The following C1QTNF7 variants were observed in gnomAD, a reference collection of about 807,000 sequenced individuals.
C1QTNF7 encodes C1q and TNF related 7.
In C1QTNF7, 15 loss-of-function variants were observed where a neutral mutation model predicts 19.6. That is an observed-to-expected ratio of 0.76 (90% CI 0.51 to 1.18). C1QTNF7 has a LOEUF of 1.18. C1QTNF7 is among the 50% of genes most tolerant of loss of function. The probability of loss-of-function intolerance (pLI) is 0.00; values close to 1 mark genes in which losing one functional copy is unlikely to be tolerated. For synonymous variants in C1QTNF7, 142 were observed against 137.5 expected, an observed-to-expected ratio of 1.03 and a Z score of -0.23; for missense variants, 324 against 359.7, an observed-to-expected ratio of 0.90 and a Z score of 0.80.
At chr4:15,393,458 C>T (rs1456430771) in intron 1 of C1QTNF7, among the ~76,000 whole-genome samples, 1 of 152,170 alleles carries the variant, frequency 6.6e-6, no homozygotes, top group Non-Finnish European at 1.5e-5. Flanking sequence ...ACACTAGAAG[C>T]CAAAGGTTCT....
intron 1 of C1QTNF7, among the ~76,000 whole-genome samples, chr4:15,410,098 C>T (rs1290498416): frequency 3.9e-5 from 6 of 152,130 alleles, no homozygotes; most frequent in Non-Finnish European, 7.4e-5. Context: ...GCCTTCCTGC[C>T]GTTAGCACTA....
intron 1 of C1QTNF7, among the ~76,000 whole-genome samples, chr4:15,364,622 G>T (rs1717447136): frequency 6.6e-6 from 1 of 152,122 alleles, no homozygotes; most frequent in Admixed American, 6.5e-5. Flanking sequence ...AGACAATCCT[G>T]AATTGTAATA....
chr4:15,402,984 G>GTTT (rs5856299), intron 1 of C1QTNF7, among the ~76,000 whole-genome samples: 48 of 144,570 alleles, frequency 3.3e-4, no homozygotes, highest in African/African-American at 1.2e-3. Context: ...GCTTTTTTCT[G>GTTT]TTTTTTTTTT....
At chr4:15,421,588 G>A (rs1172368215) in intron 1 of C1QTNF7, among the ~76,000 whole-genome samples, 1 of 152,176 alleles carries the variant, frequency 6.6e-6, no homozygotes, top group Non-Finnish European at 1.5e-5. Context: ...AAGGAGCCAA[G>A]TACTATCACT....
chr4:15,370,943 T>A (rs1022614839), intron 1 of C1QTNF7, among the ~76,000 whole-genome samples: 1 of 152,232 alleles, frequency 6.6e-6, no homozygotes, highest in Non-Finnish European at 1.5e-5. Context: ...AAACTAGGCT[T>A]CTTGAGGTTC....
intron 1 of C1QTNF7, among the ~76,000 whole-genome samples, chr4:15,419,290 C>T (rs989938696): frequency 6.6e-6 from 1 of 152,198 alleles, no homozygotes; most frequent in African/African-American, 2.4e-5. Flanking sequence ...ATGCACAAAA[C>T]TTTCAATGTA....
chr4:15,360,188 G>T (rs1020865346), intron 1 of C1QTNF7, among the ~76,000 whole-genome samples: 9 of 150,028 alleles, frequency 6.0e-5, no homozygotes, highest in Non-Finnish European at 1.2e-4. Context: ...TAGGTTGGGA[G>T]ACCAGGTGTT....
intron 1 of C1QTNF7, among the ~76,000 whole-genome samples, chr4:15,422,201 GTT>G (rs577106584): frequency 0.35 from 37,242 of 105,098 alleles, 5,224 homozygotes; most frequent in East Asian, 0.51. Flanking sequence ...TAATAAACCT[GTT>G]TTTTTTTAAA....
At position 15,435,802 on chromosome 4, in the gene C1QTNF7, G is replaced by T; in HGVS notation, c.59G>T (p.Gly20Val). 1 of 1,614,100 alleles carries T rather than the reference G, an allele frequency of 6.2e-7. No homozygotes were observed. The highest frequency in any genetic ancestry group is 8.5e-7 in the Non-Finnish European group (1 of 1,180,024). The change falls in exon 2 of 3, where the codon GGT becomes GTT. Residue 20 changes from glycine (G) to valine (V), a missense_variant. By Grantham distance (109) the Gly-to-Val change is moderately radical. Coordinates refer to ENST00000444304, the MANE Select transcript of C1QTNF7 (RefSeq NM_031911.5). ...ATTTGTGCCAGTGGACAACCCCGGG[G>T]TAATCAGTTGAAAGGAGAGAACTAC... ...FAICASGQPRGNQLKGENYSP... is the reference protein window; with the variant it reads ...FAICASGQPRVNQLKGENYSP...
intron 1 of C1QTNF7, among the ~76,000 whole-genome samples, chr4:15,422,190 C>G (rs1577273655): frequency 7.8e-6 from 1 of 127,990 alleles, no homozygotes; most frequent in African/African-American, 3.0e-5. Context: ...TAATTATAAT[C>G]TAATAAACCT....
intron 1 of C1QTNF7, among the ~76,000 whole-genome samples, chr4:15,352,907 A>G (rs2082102592): frequency 1.3e-5 from 2 of 152,154 alleles, no homozygotes; most frequent in Admixed American, 1.3e-4. Context: ...CTAAAAACTG[A>G]TTAGTGTCCA....
upstream of C1QTNF7, among the ~76,000 whole-genome samples, chr4:15,426,806 C>T (rs182578019): frequency 6.6e-6 from 1 of 152,244 alleles, no homozygotes; most frequent in African/African-American, 2.4e-5. Flanking sequence ...TATTAAAAGG[C>T]TGTATCACCT....
intron 1 of C1QTNF7, chr4:15,374,825 A>G (rs1474191744): frequency 2.2e-6 from 2 of 922,298 alleles, no homozygotes; most frequent in Non-Finnish European, 2.6e-6. Context: ...TTTTCCTTAG[A>G]AAGGCGTCTT....
intron 1 of C1QTNF7, among the ~76,000 whole-genome samples, chr4:15,398,051 CA>C (rs1277840933): frequency 6.6e-6 from 1 of 152,134 alleles, no homozygotes; most frequent in Non-Finnish European, 1.5e-5. Context: ...CTTCTTTTCC[CA>C]ACTTTACTAC....
Position 15,435,816 on chromosome 4 carries a change from G to T in C1QTNF7, c.73G>T (p.Gly25Ter). The T allele has an allele frequency of 2.5e-6, 4 of 1,614,132 alleles. No individual in the cohort carries two copies. In the South Asian group the frequency reaches 4.4e-5, roughly 18 times the overall value. Residue 25 changes from glycine (G) to a stop codon, truncating the protein, a stop_gained, in exon 2 of 3, where the codon GGA (glycine) becomes TGA (stop). Coordinates refer to ENST00000444304, the MANE Select transcript of C1QTNF7 (RefSeq NM_031911.5). LOFTEE classifies it high-confidence loss of function. ...SGQPRGNQLK[G>*]ENYSPRYICS... ...ACAACCCCGGGGTAATCAGTTGAAA[G>T]GAGAGAACTACTCCCCCAGGTATAT... is the stretch of plus-strand genomic sequence containing the variant.
intron 1 of C1QTNF7, among the ~76,000 whole-genome samples, chr4:15,419,713 T>G (rs915085684): frequency 6.6e-6 from 1 of 152,068 alleles, no homozygotes; most frequent in Non-Finnish European, 1.5e-5. Context: ...ATAGATAATA[T>G]ATGAGGTTAA....
At chr4:15,382,909 C>T (rs1232018974) in intron 1 of C1QTNF7, among the ~76,000 whole-genome samples, 1 of 152,200 alleles carries the variant, frequency 6.6e-6, no homozygotes, top group Non-Finnish European at 1.5e-5. Flanking sequence ...CCGCCAAAGT[C>T]ATTACATGTT....
At chr4:15,408,343 A>T (rs1719274883) in intron 1 of C1QTNF7, among the ~76,000 whole-genome samples, 1 of 151,866 alleles carries the variant, frequency 6.6e-6, no homozygotes, top group Non-Finnish European at 1.5e-5. Context: ...ATACAGATAC[A>T]GATAAGTATA....
At chr4:15,417,606 G>C (rs1357349188) in intron 1 of C1QTNF7, among the ~76,000 whole-genome samples, 1 of 152,132 alleles carries the variant, frequency 6.6e-6, no homozygotes, top group Non-Finnish European at 1.5e-5. Context: ...GTGAGAACCT[G>C]TCTCTACAAA....
Sources: gnomAD v4.1 joint callset for allele counts (sites outside exome capture counted in the v4.1 genomes callset) on GRCh38, gnomAD v4.1.1 for gene constraint, MANE v1.5 for transcripts, NCBI Gene and HGNC (gene_info 2026-07-23, HGNC 2026-07-21) for gene names.